The following ELF2 variants were observed in gnomAD, a reference collection of about 807,000 sequenced individuals.
ELF2 encodes ETS-related transcription factor Elf-2.
In ELF2, 11 loss-of-function variants were observed where a neutral mutation model predicts 54.8. The observed-to-expected ratio is 0.20, with a 90% CI of 0.13 to 0.33. The LOEUF is 0.33. ELF2 is among the 10% of genes least tolerant of loss of function. ELF2 has a pLI of 1.00. For missense variants in ELF2, 513 were observed against 703.0 expected (o/e 0.73, Z 3.06); for synonymous variants, 203 against 245.1 (o/e 0.83, Z 1.61).
In ELF2 at chr4:139,173,104, T is replaced by A. The variant is rs1310834661; in HGVS notation, c.-252+3863A>T. 2.0e-5 allele frequency among the ~76,000 whole-genome samples: 3 copies of A among 152,168 alleles called. No individual in the cohort carries two copies. In the East Asian group the frequency reaches 5.8e-4, roughly 29 times the overall value. On this transcript the variant is annotated intron_variant, in intron 1 of 9. Coordinates refer to ENST00000686138, the MANE Select transcript of ELF2 (RefSeq NM_001331036.3). ...GGATTAAGACAAAACCAATCAGTGA[T>A]TGCCTGAGGCTGGGGGTGGGAATAA...
chr4:139,088,136 A>T (rs2148749098), intron 4 of ELF2, among the ~76,000 whole-genome samples: 1 of 152,010 alleles, frequency 6.6e-6, no homozygotes, highest in South Asian at 2.1e-4. Context: ...AAAATACAAA[A>T]ATTAGCTGGG....
chr4:139,163,986 G>A (rs904854580), intron 1 of ELF2, among the ~76,000 whole-genome samples: 17 of 148,554 alleles, frequency 1.1e-4, no homozygotes, highest in African/African-American at 4.0e-4. Flanking sequence ...GGAAAGGAAA[G>A]AAAGAAGGAA....
At chr4:139,148,400 C>G (rs890885222) in intron 1 of ELF2, among the ~76,000 whole-genome samples, 3 of 127,086 alleles carry the variant, frequency 2.4e-5, no homozygotes, top group Non-Finnish European at 3.1e-5. Context: ...TTCCTGGGCT[C>G]AAGTGAACAC....
chr4:139,112,601 G>C lies in ELF2; in HGVS notation c.238+12563C>G, dbSNP rs113253199. Among the ~76,000 whole-genome samples, 1,072 of 152,256 alleles carry C rather than the reference G, an allele frequency of 7.0e-3. 16 individuals carry two copies. The highest frequency in any genetic ancestry group is 0.025 in the African/African-American group (1,020 of 41,552). On this transcript the variant is annotated intron_variant, in intron 4 of 9. Transcript: ENST00000686138. The stretch of plus-strand genomic sequence containing the variant: ...TCTACTTGGCAACACTTGTAACCTT[G>C]TTTGCTACTCATTTAAAATTCTATA...
At chr4:139,108,225 G>A (rs1418686378) in intron 4 of ELF2, among the ~76,000 whole-genome samples, 1 of 152,126 alleles carries the variant, frequency 6.6e-6, no homozygotes, top group Non-Finnish European at 1.5e-5. Context: ...TTAACACTGG[G>A]AATACCTTAT....
chr4:139,168,414 G>A (rs941639244), intron 1 of ELF2, among the ~76,000 whole-genome samples: 1 of 152,170 alleles, frequency 6.6e-6, no homozygotes, highest in Non-Finnish European at 1.5e-5. Flanking sequence ...TAGTAGTACA[G>A]AATTATACTG....
intron 4 of ELF2, among the ~76,000 whole-genome samples, chr4:139,088,280 T>A (rs28663325): frequency 0.14 from 13,746 of 96,122 alleles, 951 homozygotes; most frequent in African/African-American, 0.28. Flanking sequence ...AACAAGACTC[T>A]GTCTAAAAAA....
Position 139,076,421 on chromosome 4 carries a change from C to T in ELF2, c.239-2854G>A, listed in dbSNP as rs142541906. ...TTATTGTTTTCAAAGTGCCTCCCTA[C>T]AATACTCACATACACTAAGAAAAAA... On this transcript the variant is annotated intron_variant, in intron 4 of 9. Coordinates refer to ENST00000686138, the MANE Select transcript of ELF2 (RefSeq NM_001331036.3). Among the ~76,000 whole-genome samples, 281 of 151,814 alleles carry T rather than the reference C, an allele frequency of 1.9e-3. 8 individuals are homozygous for T. In the East Asian group the frequency reaches 0.045, roughly 24 times the overall value.
At chr4:139,105,994 T>C (rs147250618) in intron 4 of ELF2, among the ~76,000 whole-genome samples, 1 of 152,166 alleles carries the variant, frequency 6.6e-6, no homozygotes, top group Non-Finnish European at 1.5e-5. Context: ...TCAGAAGTCC[T>C]GGGGATGGGT....
At chr4:139,159,165 C>T in intron 1 of ELF2, among the ~76,000 whole-genome samples, 1 of 152,074 alleles carries the variant, frequency 6.6e-6, no homozygotes, top group South Asian at 2.1e-4. Flanking sequence ...TGAGTAAAGT[C>T]AATTTGCCAG....
intron 1 of ELF2, among the ~76,000 whole-genome samples, chr4:139,139,789 CT>C (rs947239477): frequency 4.7e-5 from 7 of 149,404 alleles, no homozygotes; most frequent in South Asian, 2.1e-4. Context: ...CAAACAGGTT[CT>C]TTTTTTTTTC....
At position 139,171,616 on chromosome 4, in the gene ELF2, A is replaced by G. The variant is rs1027254117; in HGVS notation, c.-252+5351T>C. Among the ~76,000 whole-genome samples the G allele has an allele frequency of 2.8e-3, 425 of 152,070 alleles. 1 individual carries two copies. The highest frequency in any genetic ancestry group is 1.0e-2 in the African/African-American group (414 of 41,520). On this transcript the variant is annotated intron_variant, in intron 1 of 9. Coordinates refer to ENST00000686138, the MANE Select transcript of ELF2 (RefSeq NM_001331036.3). Reference sequence around the variant, plus strand: ...AGTACACAGAGAAAAAAACAAAAAAAAAAACACAACAAATTAACAAAATCA... The same window carrying G: ...AGTACACAGAGAAAAAAACAAAAAAGAAAACACAACAAATTAACAAAATCA...
chr4:139,135,277 G>GTGTA (rs1257189988), intron 3 of ELF2, among the ~76,000 whole-genome samples: 1 of 136,120 alleles, frequency 7.3e-6, no homozygotes, highest in Non-Finnish European at 1.6e-5. Context: ...GTGTGTGTGT[G>GTGTA]TGTATATATG....
intron 4 of ELF2, among the ~76,000 whole-genome samples, chr4:139,092,414 T>TAACATAACAA (rs70940488): frequency 0.023 from 2,057 of 87,780 alleles, 121 homozygotes; most frequent in East Asian, 0.03. Context: ...TAACATAACA[T>TAACATAACAA]ACATAACATA....
chr4:139,145,644 A>G lies in ELF2; in HGVS notation c.-251-6147T>C, dbSNP rs1464278353. Among the ~76,000 whole-genome samples the G allele has an allele frequency of 1.2e-4, 18 of 152,208 alleles. 2 individuals are homozygous for G. The highest frequency in any genetic ancestry group is 1.2e-3 in the Admixed American group (18 of 15,286). ...AACATAGATGTAAAAATCCTCAACA[A>G]AATACTAGCTAACCAAATCAAATGG... On this transcript the variant is annotated intron_variant, in intron 1 of 9. Coordinates refer to ENST00000686138, the MANE Select transcript of ELF2 (RefSeq NM_001331036.3).
chr4:139,069,088 T>C (rs1166657296), intron 6 of ELF2, among the ~76,000 whole-genome samples: 1 of 151,970 alleles, frequency 6.6e-6, no homozygotes, highest in Non-Finnish European at 1.5e-5. Context: ...AGGCTGGTCT[T>C]GAACTCCTGA....
At chr4:139,109,014 A>G (rs928202938) in intron 4 of ELF2, among the ~76,000 whole-genome samples, 3 of 152,226 alleles carry the variant, frequency 2.0e-5, no homozygotes, top group African/African-American at 7.2e-5. Context: ...CATGGAAAGT[A>G]TCTTCTGCCA....
intron 4 of ELF2, among the ~76,000 whole-genome samples, chr4:139,076,792 G>A (rs927695417): frequency 2.0e-5 from 3 of 151,982 alleles, no homozygotes; most frequent in African/African-American, 7.2e-5. Flanking sequence ...TATTAAAATT[G>A]TTATGTCAAT....
intron 4 of ELF2, among the ~76,000 whole-genome samples, chr4:139,097,974 A>C (rs146131951): frequency 5.0e-4 from 76 of 152,326 alleles, no homozygotes; most frequent in Middle Eastern, 3.4e-3. Context: ...CACTAGGATT[A>C]CCGGCATGAG....
Sources: allele counts gnomAD v4.1 joint callset (sites outside exome capture counted in the v4.1 genomes callset), GRCh38; gene constraint gnomAD v4.1.1; transcripts MANE v1.5; gene names NCBI Gene and HGNC (gene_info 2026-07-23, HGNC 2026-07-21).